Variants in PHF24 observed in about 807,000 individuals in gnomAD.
The protein encoded by PHF24 is PHD finger protein 24, also known as Galpha inhibitory interacting protein.
In PHF24, 25 loss-of-function variants were observed where a neutral mutation model predicts 42.6. That is an observed-to-expected ratio of 0.59 (90% confidence interval 0.43 to 0.82). The LOEUF (loss-of-function observed/expected upper bound fraction) is 0.82, where lower values mean the gene tolerates loss of function less well. Ranked by LOEUF, PHF24 falls within the 40% of genes least tolerant of loss-of-function variation. PHF24 has a pLI of 0.00. For missense variants in PHF24, 470 were observed against 538.1 expected, an observed-to-expected ratio of 0.87 and a Z score of 1.25; for synonymous variants, 185 against 204.8, an observed-to-expected ratio of 0.90 and a Z score of 0.83.
At chr9:34,724,526 C>G in the PHF24 span, 2 of 1,550,376 alleles carry the variant, frequency 1.3e-6, no homozygotes, top group Non-Finnish European at 1.7e-6. Flanking sequence ...AATGGGAATT[C>G]CCCATTGTAT....
the PHF24 span, chr9:34,917,763 A>G: frequency 4.2e-5 from 40 of 958,986 alleles, no homozygotes; most frequent in African/African-American, 4.1e-4. Context: ...ACTAATGCCA[A>G]TCATGCCTCC....
the PHF24 span, among the ~76,000 whole-genome samples, chr9:34,832,035 A>G: frequency 1.3e-5 from 2 of 152,314 alleles, no homozygotes; most frequent in African/African-American, 4.8e-5. Flanking sequence ...CTCCTTCCCT[A>G]GACAGGAAGG....
the PHF24 span, among the ~76,000 whole-genome samples, chr9:34,682,349 G>A: frequency 1.3e-5 from 2 of 151,942 alleles, 1 homozygote; most frequent in South Asian, 4.2e-4. Flanking sequence ...TGTTGTTTAA[G>A]CTACACAGTC....
At chr9:34,723,833 T>G in the PHF24 span, 1 of 1,551,716 alleles carries the variant, frequency 6.4e-7, no homozygotes, top group Non-Finnish European at 8.7e-7. Context: ...TTGCAGGTCC[T>G]TCTCAGACTC....
intron 1 of PHF24, among the ~76,000 whole-genome samples, chr9:34,967,315 C>G (rs1050608925): frequency 5.9e-5 from 9 of 152,162 alleles, no homozygotes; most frequent in Non-Finnish European, 1.0e-4. Flanking sequence ...CAGAGAGTCA[C>G]TATCAGGGTT....
chr9:34,794,869 C>G, the PHF24 span, among the ~76,000 whole-genome samples: 1 of 151,928 alleles, frequency 6.6e-6, no homozygotes, highest in Admixed American at 6.6e-5. Context: ...CCATTGAAGT[C>G]ACATGAGGAG....
the PHF24 span, among the ~76,000 whole-genome samples, chr9:34,824,474 T>C: frequency 6.6e-6 from 1 of 152,208 alleles, no homozygotes; most frequent in Admixed American, 6.5e-5. Flanking sequence ...GATGTTATGG[T>C]TCCAGTTTGG....
At chr9:34,894,375 A>C in the PHF24 span, 1 of 398,236 alleles carries the variant, frequency 2.5e-6, no homozygotes, top group Non-Finnish European at 4.4e-6. Flanking sequence ...CTCTACCCCA[A>C]GCCAAGCTGA....
At chr9:34,871,282 C>T in the PHF24 span, among the ~76,000 whole-genome samples, 1 of 152,120 alleles carries the variant, frequency 6.6e-6, no homozygotes, top group South Asian at 2.1e-4. Context: ...TTTTTAAATT[C>T]AGTTCTTATT....
chr9:34,844,767 A>G, the PHF24 span, among the ~76,000 whole-genome samples: 1 of 152,176 alleles, frequency 6.6e-6, no homozygotes, highest in East Asian at 1.9e-4. Context: ...ATAATGTTCC[A>G]CGTGTGCTTG....
the PHF24 span, among the ~76,000 whole-genome samples, chr9:34,730,209 T>TG: frequency 6.6e-6 from 1 of 152,196 alleles, no homozygotes; most frequent in Non-Finnish European, 1.5e-5. Context: ...AGGATGTTTT[T>TG]TTTGTTTGTT....
the PHF24 span, among the ~76,000 whole-genome samples, chr9:34,902,053 A>ATGTT: frequency 2.0e-5 from 3 of 152,212 alleles, no homozygotes; most frequent in Non-Finnish European, 4.4e-5. Context: ...TCTTCCAAAA[A>ATGTT]TGTTTTCAAA....
the PHF24 span, among the ~76,000 whole-genome samples, chr9:34,741,947 A>G: frequency 6.6e-6 from 1 of 152,176 alleles, no homozygotes; most frequent in Non-Finnish European, 1.5e-5. Context: ...TGTGATTCTC[A>G]GTGTGTTCCA....
chr9:34,708,180 A>G, the PHF24 span, among the ~76,000 whole-genome samples: 1 of 152,092 alleles, frequency 6.6e-6, no homozygotes, highest in Admixed American at 6.6e-5. Flanking sequence ...GGTAGAGGAG[A>G]GCCATCTGAG....
chr9:34,839,695 T>A, the PHF24 span, among the ~76,000 whole-genome samples: 10 of 152,326 alleles, frequency 6.6e-5, no homozygotes, highest in African/African-American at 2.4e-4. Context: ...AGCTGGGTGA[T>A]GTCAAGGGTA....
the PHF24 span, among the ~76,000 whole-genome samples, chr9:34,784,098 C>G: frequency 6.6e-6 from 1 of 152,186 alleles, no homozygotes; most frequent in Non-Finnish European, 1.5e-5. Flanking sequence ...TAGGTAATCT[C>G]CCTGCATGGC....
At chr9:34,979,014 G>C (rs1394925694) in exon 8 of PHF24, 3 of 152,244 alleles carry the variant, frequency 2.0e-5, no homozygotes, top group African/African-American at 7.2e-5. Flanking sequence ...AGCCCTCTGT[G>C]TTAGATGCTT....
the PHF24 span, among the ~76,000 whole-genome samples, chr9:34,859,639 T>C: frequency 1.6e-4 from 24 of 152,362 alleles, no homozygotes; most frequent in Non-Finnish European, 3.2e-4. Flanking sequence ...TAAATATTCA[T>C]GCACTTTGTT....
the PHF24 span, among the ~76,000 whole-genome samples, chr9:34,717,644 C>T: frequency 6.6e-6 from 1 of 152,134 alleles, no homozygotes; most frequent in Non-Finnish European, 1.5e-5. Flanking sequence ...AAAGGACAAG[C>T]AATAGGACAG....
Sources: gnomAD v4.1 joint callset for allele counts (sites outside exome capture counted in the v4.1 genomes callset) on GRCh38, gnomAD v4.1.1 for gene constraint, MANE v1.5 for transcripts, NCBI Gene and HGNC (gene_info 2026-07-23, HGNC 2026-07-21) for gene names.